Variants in CSMD3 observed in about 807,000 individuals in gnomAD.
CSMD3 encodes CUB and sushi domain-containing protein 3.
CSMD3 carries 177 observed loss-of-function variants against 435.2 expected under a neutral mutation model. The ratio of observed to expected loss-of-function variants is 0.41; its 90% CI spans 0.36 to 0.46. The LOEUF (loss-of-function observed/expected upper bound fraction) is 0.46, where lower values mean the gene tolerates loss of function less well. CSMD3 is among the 20% of genes least tolerant of loss of function. The pLI is 0.34. For missense variants in CSMD3, 4,265 were observed against 4,504.6 expected (o/e 0.95, Z 1.52); for synonymous variants, 1,656 against 1,520.5 (o/e 1.09, Z -2.07).
chr8:112,560,779 C>T (rs560124442), intron 24 of CSMD3, among the ~76,000 whole-genome samples: 3 of 151,796 alleles, frequency 2.0e-5, no homozygotes, highest in African/African-American at 4.8e-5. Context: ...GATCTGCATA[C>T]TTAATACTAC....
At chr8:113,095,472 C>G (rs542726637) in intron 5 of CSMD3, among the ~76,000 whole-genome samples, 5 of 152,206 alleles carry the variant, frequency 3.3e-5, no homozygotes, top group African/African-American at 1.2e-4. Context: ...TCGGAGTTAC[C>G]CAATGACCTC....
At chr8:112,945,002 T>C (rs2083560159) in intron 9 of CSMD3, among the ~76,000 whole-genome samples, 1 of 151,678 alleles carries the variant, frequency 6.6e-6, no homozygotes, top group South Asian at 2.1e-4. Flanking sequence ...GTTCAACTAA[T>C]CACTTAACAT....
chr8:112,872,249 T>C (rs1157304650), intron 10 of CSMD3, among the ~76,000 whole-genome samples: 1 of 152,070 alleles, frequency 6.6e-6, no homozygotes, highest in Non-Finnish European at 1.5e-5. Flanking sequence ...GAGAAACTAA[T>C]AAACTGTCAA....
At chr8:112,640,142 T>C (rs1421100317) in intron 20 of CSMD3, among the ~76,000 whole-genome samples, 3 of 152,088 alleles carry the variant, frequency 2.0e-5, no homozygotes, top group African/African-American at 7.2e-5. Flanking sequence ...ATCACGTTAG[T>C]ATTTAATTAC....
chr8:112,314,012 C>T lies in CSMD3; in HGVS notation c.7590G>A (p.Gly2530=), dbSNP rs2130831787. 2 of 1,610,658 alleles carry T rather than the reference C, an allele frequency of 1.2e-6. No individual in the cohort carries two copies. The highest frequency in any genetic ancestry group is 2.2e-5 in the South Asian group (2 of 91,028). The part of the protein sequence containing the change: ...IQSPVLISLS[G]DYSSAFNITS... ...TTATATTAAAAGCAGATGAATAATC[C>T]CCACTGAGGGAAATAAGCACTGGAC... is the stretch of plus-strand genomic sequence containing the variant. Residue 2530 remains glycine, a synonymous_variant, in exon 49 of 71, where the codon GGG becomes GGA. Transcript: ENST00000297405.
At chr8:112,882,733 T>G (rs1587567946) in intron 10 of CSMD3, among the ~76,000 whole-genome samples, 1 of 152,142 alleles carries the variant, frequency 6.6e-6, no homozygotes, top group Admixed American at 6.6e-5. Flanking sequence ...TGTCCTAAAT[T>G]ATGTAGACAC....
intron 22 of CSMD3, among the ~76,000 whole-genome samples, chr8:112,597,343 A>G: frequency 6.6e-6 from 1 of 151,706 alleles, no homozygotes; most frequent in Non-Finnish European, 1.5e-5. Flanking sequence ...TGAATAGACC[A>G]ATAACAGGAG....
intron 1 of CSMD3, among the ~76,000 whole-genome samples, chr8:113,315,920 T>C (rs1416169907): frequency 2.0e-5 from 3 of 151,924 alleles, no homozygotes; most frequent in African/African-American, 7.2e-5. Flanking sequence ...GGTTTCACCA[T>C]GCTGGCCAGG....
At chr8:113,223,501 G>A (rs1453633271) in intron 3 of CSMD3, among the ~76,000 whole-genome samples, 1 of 150,426 alleles carries the variant, frequency 6.6e-6, no homozygotes, top group Non-Finnish European at 1.5e-5. Flanking sequence ...ACACTTTGAA[G>A]AGGACATGGT....
intron 41 of CSMD3, among the ~76,000 whole-genome samples, chr8:112,342,681 T>C (rs894996947): frequency 2.0e-5 from 3 of 151,974 alleles, no homozygotes; most frequent in Non-Finnish European, 4.4e-5. Context: ...ATGATATTAA[T>C]AACTACACTG....
intron 61 of CSMD3, among the ~76,000 whole-genome samples, chr8:112,261,921 C>CAT (rs1166053526): frequency 1.3e-5 from 2 of 151,656 alleles, no homozygotes; most frequent in African/African-American, 2.4e-5. Flanking sequence ...AAAAAAAATA[C>CAT]ATATATATAT....
chr8:113,175,030 T>C (rs1310426648), intron 3 of CSMD3, among the ~76,000 whole-genome samples: 1 of 151,904 alleles, frequency 6.6e-6, no homozygotes, highest in Non-Finnish European at 1.5e-5. Flanking sequence ...CATTTTGCTT[T>C]GATATTTATT....
intron 3 of CSMD3, among the ~76,000 whole-genome samples, chr8:113,185,782 T>C (rs2092491545): frequency 6.6e-6 from 1 of 152,020 alleles, no homozygotes; most frequent in Non-Finnish European, 1.5e-5. Flanking sequence ...TGCGTGTATA[T>C]GTGTGTTGTA....
At chr8:113,016,621 T>C (rs2086469810) in intron 6 of CSMD3, among the ~76,000 whole-genome samples, 1 of 151,880 alleles carries the variant, frequency 6.6e-6, no homozygotes, top group African/African-American at 2.4e-5. Flanking sequence ...TAATAGTTAC[T>C]GAGTACTCGG....
chr8:113,223,083 A>T (rs1260495866), intron 3 of CSMD3, among the ~76,000 whole-genome samples: 1 of 150,610 alleles, frequency 6.6e-6, no homozygotes, highest in Non-Finnish European at 1.5e-5. Flanking sequence ...TTTTTCCAAC[A>T]ACTTCCTTTA....
intron 13 of CSMD3, among the ~76,000 whole-genome samples, chr8:112,776,201 C>T (rs2078241987): frequency 6.6e-6 from 1 of 151,730 alleles, no homozygotes; most frequent in African/African-American, 2.4e-5. Flanking sequence ...TGCACAATAA[C>T]CATAATAATT....
intron 31 of CSMD3, among the ~76,000 whole-genome samples, chr8:112,477,372 A>T (rs1383925523): frequency 6.6e-6 from 1 of 152,212 alleles, no homozygotes; most frequent in Non-Finnish European, 1.5e-5. Context: ...AGGGAATAGC[A>T]AACCCATGTC....
At chr8:112,865,097 T>C (rs950004156) in intron 10 of CSMD3, among the ~76,000 whole-genome samples, 1 of 152,178 alleles carries the variant, frequency 6.6e-6, no homozygotes. Flanking sequence ...TGTCTACCAA[T>C]GTATTCCTAT....
intron 35 of CSMD3, among the ~76,000 whole-genome samples, chr8:112,394,670 G>A (rs151072780): frequency 3.9e-4 from 59 of 152,196 alleles, no homozygotes; most frequent in Middle Eastern, 3.4e-3. Context: ...TTTTATTCAG[G>A]TTTAAAATGG....
Sources: gnomAD v4.1 joint callset for allele counts (sites outside exome capture counted in the v4.1 genomes callset) on GRCh38, gnomAD v4.1.1 for gene constraint, MANE v1.5 for transcripts, NCBI Gene and HGNC (gene_info 2026-07-23, HGNC 2026-07-21) for gene names.